Variants in TBXAS1 observed in about 807,000 individuals in gnomAD.
TBXAS1 encodes thromboxane-A synthase.
A neutral mutation model predicts 60.7 loss-of-function variants in TBXAS1; 48 were observed. That is an observed-to-expected ratio of 0.79 (90% confidence interval 0.63 to 1.01). The LOEUF (loss-of-function observed/expected upper bound fraction) is 1.01, where lower values mean the gene tolerates loss of function less well. Ranked by LOEUF, TBXAS1 falls within the 50% of genes least tolerant of loss-of-function variation. The pLI is 0.00. For missense variants in TBXAS1, 685 were observed against 686.3 expected (o/e 1.00, Z 0.02); for synonymous variants, 287 against 269.7 (o/e 1.06, Z -0.63).
chr7:139,837,884 C>T (rs749987489), intron 1 of TBXAS1, among the ~76,000 whole-genome samples: 1 of 152,192 alleles, frequency 6.6e-6, no homozygotes, highest in African/African-American at 2.4e-5. Context: ...TGCTCTCAAC[C>T]AGCCTGTGAG....
At chr7:139,974,198 G>A (rs986626703) in intron 9 of TBXAS1, among the ~76,000 whole-genome samples, 3 of 152,136 alleles carry the variant, frequency 2.0e-5, no homozygotes, top group Non-Finnish European at 2.9e-5. Flanking sequence ...AGGGAGGGTG[G>A]TTCCTTAAAA....
At chr7:139,952,002 GAA>G (rs1430588903) in intron 5 of TBXAS1, among the ~76,000 whole-genome samples, 1 of 148,058 alleles carries the variant, frequency 6.8e-6, no homozygotes, top group South Asian at 2.2e-4. Flanking sequence ...AAGAAAGAAA[GAA>G]AGAAAGAAAA....
chr7:139,912,086 C>T (rs528291100), intron 4 of TBXAS1, among the ~76,000 whole-genome samples: 4 of 152,102 alleles, frequency 2.6e-5, no homozygotes, highest in African/African-American at 7.2e-5. Flanking sequence ...AAAAATTAGC[C>T]GGGTGTGGTG....
chr7:139,945,199 C>G (rs1296718878), intron 5 of TBXAS1, among the ~76,000 whole-genome samples: 1 of 152,226 alleles, frequency 6.6e-6, no homozygotes, highest in Non-Finnish European at 1.5e-5. Flanking sequence ...CTGCACTGAG[C>G]TAAGAATTTG....
At chr7:140,019,647 C>A (rs950991519) in intron 12 of TBXAS1, among the ~76,000 whole-genome samples, 1 of 152,182 alleles carries the variant, frequency 6.6e-6, no homozygotes, top group South Asian at 2.1e-4. Context: ...CCCAACTCCT[C>A]GAGTAATTCT....
At chr7:140,011,297 CAAACA>C (rs869068173) in intron 10 of TBXAS1, among the ~76,000 whole-genome samples, 19 of 126,394 alleles carry the variant, frequency 1.5e-4, no homozygotes, top group African/African-American at 6.4e-4. Flanking sequence ...AACAAACAAA[CAAACA>C]AAAAAAACAG....
At chr7:139,909,609 C>A (rs901884583) in intron 3 of TBXAS1, among the ~76,000 whole-genome samples, 4 of 152,120 alleles carry the variant, frequency 2.6e-5, no homozygotes, top group African/African-American at 9.7e-5. Flanking sequence ...TTTCCAAGTG[C>A]CTAATATGTG....
At chr7:139,829,674 T>C (rs2116477983) in intron 1 of TBXAS1, among the ~76,000 whole-genome samples, 195 bp downstream of exon 1, 1 of 152,294 alleles carries the variant, frequency 6.6e-6, no homozygotes, top group South Asian at 2.1e-4. Context: ...GATTGAAGTG[T>C]CAGGAAAGGC....
intron 3 of TBXAS1, among the ~76,000 whole-genome samples, chr7:139,892,489 A>C (rs1803701532): frequency 6.6e-6 from 1 of 152,146 alleles, no homozygotes; most frequent in African/African-American, 2.4e-5. Context: ...GCTACTCAGG[A>C]GGCTGAGGCA....
At position 139,860,968 on chromosome 7, in the gene TBXAS1, G is replaced by A. The variant is rs188268110; in HGVS notation, c.90-11267G>A. Among the ~76,000 whole-genome samples the A allele has an allele frequency of 4.7e-4, 71 of 152,334 alleles. No homozygotes were observed. The Middle Eastern group carries it at 0.01, about 22-fold the overall frequency. Reference sequence around the variant, plus strand: ...GTGGGCGGATCACCTGAGGTCAGGAGTTCGAGACCAGCCTGGTTAATATGG... The same window carrying A: ...GTGGGCGGATCACCTGAGGTCAGGAATTCGAGACCAGCCTGGTTAATATGG... On this transcript the variant is annotated intron_variant, in intron 1 of 12. Transcript: ENST00000448866.
intron 10 of TBXAS1, among the ~76,000 whole-genome samples, chr7:140,014,153 A>G (rs963987364): frequency 1.3e-5 from 2 of 152,206 alleles, no homozygotes; most frequent in Admixed American, 6.5e-5. Flanking sequence ...GGTCAATGAG[A>G]GACGAGAATC....
chr7:139,941,257 C>T lies in TBXAS1; in HGVS notation c.450+4950C>T, dbSNP rs558981705. Among the ~76,000 whole-genome samples, 5 of 152,266 alleles carry T rather than the reference C, an allele frequency of 3.3e-5. 1 individual carries two copies. Among genetic ancestry groups the T allele is most frequent in the African/African-American group, 1.2e-4 (5 of 41,540 alleles). On this transcript the variant is annotated intron_variant, in intron 5 of 12. Coordinates refer to ENST00000448866, the MANE Select transcript of TBXAS1 (RefSeq NM_001061.7). Reference sequence around the variant, plus strand: ...ATTCTGAGGCTTTCTCCTTTAGAACCTTGGCAGCCTAAGTCCCTCTCTACC... The same window carrying T: ...ATTCTGAGGCTTTCTCCTTTAGAACTTTGGCAGCCTAAGTCCCTCTCTACC...
At chr7:139,808,582 T>C (rs1797936587) in intron 4 of TBXAS1, among the ~76,000 whole-genome samples, 1 of 152,198 alleles carries the variant, frequency 6.6e-6, no homozygotes, top group Admixed American at 6.5e-5. Context: ...CTGAGCTGGT[T>C]TGAGCTAGCT....
intron 3 of TBXAS1, among the ~76,000 whole-genome samples, chr7:139,905,035 C>CTT (rs1182147735): frequency 4.6e-5 from 4 of 86,636 alleles, no homozygotes; most frequent in African/African-American, 1.6e-4. Flanking sequence ...TTCTTTCTTT[C>CTT]TTTCTTTCTT....
intron 9 of TBXAS1, among the ~76,000 whole-genome samples, chr7:139,985,406 G>C (rs1024789914): frequency 1.1e-4 from 17 of 152,346 alleles, no homozygotes; most frequent in African/African-American, 3.8e-4. Flanking sequence ...GTACAGAGCG[G>C]TAGCCGCTGC....
At chr7:139,983,950 C>A (rs1394566640) in intron 9 of TBXAS1, among the ~76,000 whole-genome samples, 2 of 152,198 alleles carry the variant, frequency 1.3e-5, no homozygotes, top group Non-Finnish European at 2.9e-5. Flanking sequence ...TCCTCCAACC[C>A]TCAGGCTCAG....
At chr7:140,008,261 G>A (rs577589991) in intron 10 of TBXAS1, among the ~76,000 whole-genome samples, 13 of 152,162 alleles carry the variant, frequency 8.5e-5, no homozygotes, top group Admixed American at 2.0e-4. Flanking sequence ...AGAAAATTCC[G>A]GTGGCGTGAT....
chr7:139,783,872 C>T (rs73475931), intron 3 of TBXAS1, among the ~76,000 whole-genome samples: 2,099 of 152,154 alleles, frequency 0.014, 42 homozygotes, highest in African/African-American at 0.048. Context: ...GATTGCAAAT[C>T]GCATGCCCTT....
chr7:139,925,995 A>G (rs1001313436), intron 4 of TBXAS1, among the ~76,000 whole-genome samples: 5 of 152,174 alleles, frequency 3.3e-5, no homozygotes, highest in Admixed American at 1.3e-4. Flanking sequence ...CCACTTGGTC[A>G]TGATTGATCT....
Sources: allele counts gnomAD v4.1 joint callset (sites outside exome capture counted in the v4.1 genomes callset), GRCh38; gene constraint gnomAD v4.1.1; transcripts MANE v1.5; gene names NCBI Gene and HGNC (gene_info 2026-07-23, HGNC 2026-07-21).